UBE2G1: variants seen among roughly 807,000 people sequenced by gnomAD.
The protein encoded by UBE2G1 is ubiquitin-conjugating enzyme E2 G1.
A neutral mutation model predicts 22.7 loss-of-function variants in UBE2G1; 5 were observed. The ratio of observed to expected loss-of-function variants is 0.22; its 90% CI spans 0.12 to 0.46. The LOEUF (loss-of-function observed/expected upper bound fraction) is 0.46, where lower values mean the gene tolerates loss of function less well. Among genes scored for constraint, UBE2G1 ranks in the 20% least tolerant of loss-of-function variants. The pLI is 0.99. For missense variants in UBE2G1, 88 were observed against 203.9 expected (o/e 0.43, Z 3.46); for synonymous variants, 74 against 67.5 (o/e 1.10, Z -0.47).
intron 3 of UBE2G1, among the ~76,000 whole-genome samples, chr17:4,290,101 C>G (rs995603741): frequency 2.0e-5 from 3 of 151,952 alleles, no homozygotes; most frequent in African/African-American, 7.3e-5. Flanking sequence ...TAAAATATTA[C>G]TTATTCATTA....
chr17:4,339,315 T>G (rs552819614), intron 1 of UBE2G1, among the ~76,000 whole-genome samples: 2 of 152,200 alleles, frequency 1.3e-5, no homozygotes, highest in South Asian at 2.1e-4. Flanking sequence ...CTCTATTTTT[T>G]TTTTTTGAGA....
intron 1 of UBE2G1, among the ~76,000 whole-genome samples, chr17:4,360,812 G>A (rs1719282904): frequency 6.6e-6 from 1 of 152,224 alleles, no homozygotes; most frequent in South Asian, 2.1e-4. Context: ...TGGGGAGGCT[G>A]AGGTAGGAGA....
At chr17:4,299,897 G>A (rs1969155012) in intron 2 of UBE2G1, among the ~76,000 whole-genome samples, 1 of 149,718 alleles carries the variant, frequency 6.7e-6, no homozygotes, top group Non-Finnish European at 1.5e-5. Context: ...CGTGATCTCG[G>A]CTCACTGCAA....
At chr17:4,330,549 C>T (rs1211738342) in intron 1 of UBE2G1, among the ~76,000 whole-genome samples, 1 of 148,306 alleles carries the variant, frequency 6.7e-6, no homozygotes, top group Non-Finnish European at 1.5e-5. Context: ...GCTAACCTGA[C>T]CAACATGGAG....
At chr17:4,365,696 G>A (rs1007323647) in intron 1 of UBE2G1, among the ~76,000 whole-genome samples, 2 of 152,160 alleles carry the variant, frequency 1.3e-5, no homozygotes, top group African/African-American at 4.8e-5. Flanking sequence ...CAGGGTCTCC[G>A]GCACCCTCGC....
intron 5 of UBE2G1, among the ~76,000 whole-genome samples, chr17:4,280,154 G>C (rs1968869779): frequency 6.6e-6 from 1 of 150,572 alleles, no homozygotes; most frequent in African/African-American, 2.5e-5. Flanking sequence ...TCCTGCCTCA[G>C]CTTCCAGAGT....
intron 1 of UBE2G1, among the ~76,000 whole-genome samples, chr17:4,347,471 T>TC (rs1969791470): frequency 8.0e-6 from 1 of 124,784 alleles, no homozygotes; most frequent in Non-Finnish European, 1.6e-5. Flanking sequence ...TATTTCTTCT[T>TC]TTTTTTTTTT....
At chr17:4,307,175 C>A in intron 1 of UBE2G1, 52 bp from the exon 2 acceptor site, 1 of 1,452,350 alleles carries the variant, frequency 6.9e-7, no homozygotes, top group Non-Finnish European at 9.6e-7. Flanking sequence ...AATTTGCATC[C>A]AGTAGATAAA....
At chr17:4,361,941 G>A (rs1417109430) in intron 1 of UBE2G1, among the ~76,000 whole-genome samples, 4 of 119,918 alleles carry the variant, frequency 3.3e-5, no homozygotes, top group East Asian at 2.4e-4. Context: ...CAGCCTGGGC[G>A]ACAGAGCAAG....
intron 1 of UBE2G1, among the ~76,000 whole-genome samples, chr17:4,321,416 A>G (rs1363981336): frequency 1.3e-5 from 2 of 151,820 alleles, no homozygotes; most frequent in Non-Finnish European, 2.9e-5. Context: ...ACATATTTTT[A>G]TTCCCCCACC....
chr17:4,354,151 T>C (rs944127960), intron 1 of UBE2G1, among the ~76,000 whole-genome samples: 1 of 152,218 alleles, frequency 6.6e-6, no homozygotes, highest in Admixed American at 6.5e-5. Flanking sequence ...TGTGTCAAAT[T>C]TGACAGATCT....
chr17:4,343,444 C>T (rs1210902238), intron 1 of UBE2G1, among the ~76,000 whole-genome samples: 2 of 151,950 alleles, frequency 1.3e-5, no homozygotes, highest in African/African-American at 4.8e-5. Flanking sequence ...GCGGAGGTTG[C>T]AGTGAGCCAA....
At chr17:4,304,770 A>G (rs1037463680) in intron 2 of UBE2G1, among the ~76,000 whole-genome samples, 1 of 152,032 alleles carries the variant, frequency 6.6e-6, no homozygotes, top group Non-Finnish European at 1.5e-5. Context: ...TTTCAATCCT[A>G]TAACACCCCT....
At chr17:4,365,600 G>C (rs1207253677) in intron 1 of UBE2G1, among the ~76,000 whole-genome samples, 1 of 151,952 alleles carries the variant, frequency 6.6e-6, no homozygotes, top group Non-Finnish European at 1.5e-5. Flanking sequence ...CTCTCCCCGC[G>C]GCCCGCTCCT....
chr17:4,324,123 C>G (rs1969474957), intron 1 of UBE2G1, among the ~76,000 whole-genome samples: 1 of 152,178 alleles, frequency 6.6e-6, no homozygotes, highest in African/African-American at 2.4e-5. Context: ...AACCATTAAC[C>G]CAAGAATGTG....
intron 2 of UBE2G1, chr17:4,301,356 A>G (rs1019982292): frequency 4.0e-6 from 2 of 504,382 alleles, no homozygotes; most frequent in African/African-American, 2.0e-5. Context: ...AATGGAGGAG[A>G]AGGATGAGAA....
At chr17:4,282,680 A>G (rs1346436197) in intron 5 of UBE2G1, 118 bp downstream of exon 5, 1 of 668,216 alleles carries the variant, frequency 1.5e-6, no homozygotes, top group East Asian at 2.8e-5. Flanking sequence ...ACAGGATAAT[A>G]CCATTAAAAA....
intron 1 of UBE2G1, among the ~76,000 whole-genome samples, chr17:4,317,384 G>T (rs1008197127): frequency 1.3e-5 from 2 of 152,066 alleles, no homozygotes; most frequent in Admixed American, 1.3e-4. Flanking sequence ...GGACATGGTG[G>T]CATGTGCCTA....
At chr17:4,282,105 T>C (rs1968900207) in intron 5 of UBE2G1, among the ~76,000 whole-genome samples, 1 of 152,176 alleles carries the variant, frequency 6.6e-6, no homozygotes, top group South Asian at 2.1e-4. Flanking sequence ...TTTTCTGAGA[T>C]AGAGTCTTGC....
Sources: gnomAD v4.1 joint callset for allele counts (sites outside exome capture counted in the v4.1 genomes callset) on GRCh38, gnomAD v4.1.1 for gene constraint, MANE v1.5 for transcripts, NCBI Gene and HGNC (gene_info 2026-07-23, HGNC 2026-07-21) for gene names.